LIG1: variants seen among roughly 807,000 people sequenced by gnomAD.
LIG1 encodes DNA ligase 1.
Under a neutral mutation model 115.7 loss-of-function variants are expected in LIG1, and 70 were observed. That is an observed-to-expected ratio of 0.60 (90% confidence interval 0.50 to 0.74). The LOEUF (loss-of-function observed/expected upper bound fraction) is 0.74. Ranked by LOEUF, LIG1 falls within the 30% of genes least tolerant of loss-of-function variation. LIG1 has a pLI of 0.00. For synonymous variants in LIG1, 487 were observed against 495.3 expected (o/e 0.98, Z 0.22); for missense variants, 1,115 against 1,225.6 (o/e 0.91, Z 1.35).
intron 19 of LIG1, among the ~76,000 whole-genome samples, chr19:48,128,801 C>T (rs150510146): frequency 0.011 from 1,701 of 152,348 alleles, 37 homozygotes; most frequent in African/African-American, 0.037. Flanking sequence ...CTAGCTCTGT[C>T]GCCCAGGCTG....
rs956239230 is a variant in LIG1, at chr19:48,137,927, G to T, written c.1088-239C>A. 1 of 598,252 alleles carries T rather than the reference G, an allele frequency of 1.7e-6. No individual in the cohort carries two copies. The highest frequency in any genetic ancestry group is 2.9e-5 in the East Asian group (1 of 34,466). 37.1% of individuals were successfully genotyped at this position (598,252 alleles called of 1,614,324 possible). A position where few individuals can be genotyped will look rare whatever the true frequency, so the allele number is the denominator to read the frequency against. On this transcript the variant is annotated intron_variant, in intron 12 of 27. Coordinates refer to ENST00000263274, the MANE Select transcript of LIG1 (RefSeq NM_000234.3). The surrounding 1 kb of genome is among the most constrained non-coding windows in gnomAD (Gnocchi z 4.3). ...GGAGCCAGGAAAGCGGTGGATGAAC[G>T]AGCATGACCACACTCAGGGGAGACA...
intron 1 of LIG1, 78 bp from the exon 2 acceptor site, chr19:48,165,701 G>T: frequency 5.9e-5 from 51 of 861,254 alleles, no homozygotes; most frequent in Non-Finnish European, 7.7e-5. Flanking sequence ...CTTTCTTTAA[G>T]AAAGAAAGAA....
chr19:48,153,946 C>T lies in LIG1; in HGVS notation c.392G>A (p.Arg131Gln), dbSNP rs368320718. Residue 131 changes from arginine (R) to glutamine (Q), a missense_variant, in exon 6 of 28, where the codon CGG becomes CAG. Arg to Gln is a conservative substitution (Grantham distance 43, BLOSUM62 1). Coordinates refer to ENST00000263274, the MANE Select transcript of LIG1 (RefSeq NM_000234.3). ...RRTARKQLPK[R>Q]TIQEVLEEQS... ...CTCTTCCAGGACTTCCTGAATGGTCCGTTTCGGGAGCTGCTTCCGAGCTGG... is the reference window on the plus strand; with the variant it reads ...CTCTTCCAGGACTTCCTGAATGGTCTGTTTCGGGAGCTGCTTCCGAGCTGG... 2.2e-5 allele frequency: 36 copies of T among 1,613,596 alleles called. No individual in the cohort carries two copies. The highest frequency in any genetic ancestry group is 6.7e-5 in the Admixed American group (4 of 59,966).
At chr19:48,123,450 G>C (rs1216936393) in intron 21 of LIG1, 132 bp from the exon 22 acceptor site, 1 of 1,017,646 alleles carries the variant, frequency 9.8e-7, no homozygotes, top group Non-Finnish European at 1.5e-6. Flanking sequence ...CCTTGAGAGG[G>C]AAGAACCCTG....
At chr19:48,143,485 G>A in intron 11 of LIG1, 58 bp downstream of exon 11, 2 of 1,150,460 alleles carry the variant, frequency 1.7e-6, no homozygotes, top group African/African-American at 1.5e-5. Flanking sequence ...AGACCGCCAT[G>A]CAGAGGACAG....
chr19:48,140,201 G>A (rs1329402488), intron 11 of LIG1, 58 bp from the exon 12 acceptor site: 10 of 1,365,344 alleles, frequency 7.3e-6, no homozygotes, highest in African/African-American at 5.7e-5. Context: ...GTGTGGTGTC[G>A]GGGTGGGGTG....
Position 48,121,166 on chromosome 19 carries a change from G to A in LIG1, c.2385+4C>T. 2 of 1,614,110 alleles carry A rather than the reference G, an allele frequency of 1.2e-6. No homozygotes were observed. The highest frequency in any genetic ancestry group is 1.3e-5 in the African/African-American group (1 of 75,048). On this transcript the variant is annotated splice_donor_region_variant and intron_variant, in intron 24 of 27. Transcript: ENST00000263274. ...TTCTGCCATCAGCCCCAGTTCCCCA[G>A]GACCTTGCATATGGCCTGCAGCTCC... is the stretch of plus-strand genomic sequence containing the variant.
At chr19:48,154,532 ACAT>A in intron 5 of LIG1, 1 of 190,436 alleles carries the variant, frequency 5.3e-6, no homozygotes, top group South Asian at 1.1e-4. Context: ...ACCCAACAGC[ACAT>A]CCTGTGTTGG....
At chr19:48,125,251 G>A (rs954828329) in intron 21 of LIG1, among the ~76,000 whole-genome samples, 9 of 152,208 alleles carry the variant, frequency 5.9e-5, no homozygotes, top group African/African-American at 1.2e-4. Flanking sequence ...AACCAGCTGA[G>A]CAGGGATGAT....
At chr19:48,128,486 A>C (rs1418136051) in intron 19 of LIG1, among the ~76,000 whole-genome samples, 3 of 150,898 alleles carry the variant, frequency 2.0e-5, no homozygotes. Flanking sequence ...AGCTGGGGGG[A>C]CTCTCCCGGG....
chr19:48,143,505 C>CGCGGGGGGGGGGGGG, intron 11 of LIG1, 38 bp downstream of exon 11: 1 of 850,464 alleles, frequency 1.2e-6, no homozygotes, highest in Non-Finnish European at 2.0e-6. Context: ...GACCCAGAAG[C>CGCGGGGGGGGGGGGG]GACCCCGCCC....
intron 19 of LIG1, among the ~76,000 whole-genome samples, chr19:48,130,062 T>C (rs1459688663): frequency 6.6e-6 from 1 of 152,240 alleles, no homozygotes. Flanking sequence ...AGCGGAAATA[T>C]GTTAGAATGA....
At chr19:48,149,182 C>T (rs1005087907) in intron 9 of LIG1, among the ~76,000 whole-genome samples, 8 of 152,182 alleles carry the variant, frequency 5.3e-5, no homozygotes, top group African/African-American at 1.9e-4. Flanking sequence ...TGGTGGCATG[C>T]ACCTGTAATC....
chr19:48,150,302 G>A, intron 7 of LIG1, 92 bp from the exon 8 acceptor site: 1 of 1,566,906 alleles, frequency 6.4e-7, no homozygotes, highest in Admixed American at 1.7e-5. Flanking sequence ...TTCTGACCCT[G>A]CAGATGGAAG....
chr19:48,166,285 T>C lies in LIG1; in HGVS notation c.-57-662A>G, dbSNP rs577983319. Among the ~76,000 whole-genome samples, 4 of 152,294 alleles carry C rather than the reference T, an allele frequency of 2.6e-5. No individual in the cohort carries two copies. In the South Asian group the frequency reaches 8.3e-4, roughly 32 times the overall value. ...GGTGGCACGCGCCTGTATTCCCAGC[T>C]ACTCTGGAGGCTGAGGCAGGAGAAT... On this transcript the variant is annotated intron_variant, in intron 1 of 27. Coordinates refer to ENST00000263274, the MANE Select transcript of LIG1 (RefSeq NM_000234.3).
chr19:48,150,408 A>G (rs899817946), intron 7 of LIG1, among the ~76,000 whole-genome samples, 198 bp from the exon 8 acceptor site: 26 of 152,148 alleles, frequency 1.7e-4, no homozygotes, highest in African/African-American at 6.3e-4. Context: ...GAATTCTAGC[A>G]CTTGGCCTGA....
At chr19:48,132,790 CAAAAAAAAAAAA>C (rs71181649) in intron 18 of LIG1, among the ~76,000 whole-genome samples, 180 bp downstream of exon 18, 1,557 of 48,272 alleles carry the variant, frequency 0.032, 18 homozygotes, top group Middle Eastern at 0.19. Context: ...GACTCTGTCT[CAAAAAAAAAAAA>C]AAAAAAAAAA....
Position 48,170,301 on chromosome 19 carries a change from C to T in LIG1, c.-118G>A, listed in dbSNP as rs1213257743. 3 of 452,486 alleles carry T rather than the reference C, an allele frequency of 6.6e-6. No homozygotes were observed. Among genetic ancestry groups the T allele is most frequent in the South Asian group, 1.6e-5 (1 of 64,362 alleles). 28.0% of individuals were successfully genotyped at this position (452,486 alleles called of 1,614,324 possible). A position where few individuals can be genotyped will look rare whatever the true frequency, so the allele number is the denominator to read the frequency against. ...ACACTCAGATCCGCCAGGCGCGCCTCTGCAGTCCCAAGTTCGCGCCACGGC... is the reference window on the plus strand; with the variant it reads ...ACACTCAGATCCGCCAGGCGCGCCTTTGCAGTCCCAAGTTCGCGCCACGGC... On this transcript the variant is annotated 5_prime_UTR_variant, in exon 1 of 28. Coordinates refer to ENST00000263274, the MANE Select transcript of LIG1 (RefSeq NM_000234.3).
intron 19 of LIG1, among the ~76,000 whole-genome samples, chr19:48,130,208 G>C (rs908008550): frequency 1.3e-5 from 2 of 152,238 alleles, no homozygotes; most frequent in Non-Finnish European, 1.5e-5. Context: ...TAAGAAAATT[G>C]ATTTAAAGAA....
Sources: gnomAD v4.1 joint callset for allele counts (sites outside exome capture counted in the v4.1 genomes callset) on GRCh38, gnomAD v4.1.1 for gene constraint, Gnocchi (gnomAD v3.1) non-coding constraint, MANE v1.5 for transcripts, NCBI Gene and HGNC (gene_info 2026-07-23, HGNC 2026-07-21) for gene names.